Variants in RPSA2 observed in about 807,000 individuals in gnomAD.
RPSA2 encodes the protein ribosomal protein SA 2.
the RPSA2 span, among the ~76,000 whole-genome samples, chr19:23,806,019 CTAT>C: frequency 6.9e-5 from 10 of 144,202 alleles, no homozygotes; most frequent in African/African-American, 2.6e-4. Context: ...ATCTATCTAT[CTAT>C]CTATCTATCT....
At chr19:23,827,101 C>A in the RPSA2 span, 3 of 748,292 alleles carry the variant, frequency 4.0e-6, no homozygotes, top group Non-Finnish European at 4.7e-6. Flanking sequence ...GCGCTACCTG[C>A]AGAGGGGTCC....
At chr19:23,790,944 G>A in the RPSA2 span, among the ~76,000 whole-genome samples, 1 of 152,144 alleles carries the variant, frequency 6.6e-6, no homozygotes, top group Admixed American at 6.6e-5. Flanking sequence ...TGGCAGCTAG[G>A]CTGACAGCCG....
chr19:23,842,015 C>T, the RPSA2 span, among the ~76,000 whole-genome samples: 2 of 152,246 alleles, frequency 1.3e-5, no homozygotes, highest in Non-Finnish European at 1.5e-5. Context: ...TGGGATAAAA[C>T]CCAGGTTCTA....
chr19:23,813,570 C>A, the RPSA2 span, among the ~76,000 whole-genome samples: 1 of 151,796 alleles, frequency 6.6e-6, no homozygotes, highest in East Asian at 1.9e-4. Flanking sequence ...TCCATTGTAT[C>A]AAATATGTCT....
At chr19:23,839,734 G>T in the RPSA2 span, among the ~76,000 whole-genome samples, 2 of 152,102 alleles carry the variant, frequency 1.3e-5, no homozygotes, top group African/African-American at 4.8e-5. Context: ...GATTCCTGTG[G>T]TGCCAGGCAG....
the RPSA2 span, among the ~76,000 whole-genome samples, chr19:23,803,389 G>A: frequency 2.0e-5 from 3 of 151,528 alleles, no homozygotes; most frequent in Non-Finnish European, 4.4e-5. Context: ...GATTTATAGG[G>A]TCTTAATTAA....
At chr19:23,769,644 G>C in the RPSA2 span, among the ~76,000 whole-genome samples, 1 of 152,054 alleles carries the variant, frequency 6.6e-6, no homozygotes, top group African/African-American at 2.4e-5. Flanking sequence ...ATGCCCGGCC[G>C]ATGTGTCTCT....
At chr19:23,809,738 GT>G in the RPSA2 span, among the ~76,000 whole-genome samples, 147,603 of 151,030 alleles carry the variant, frequency 0.98, 72,215 homozygotes, top group Middle Eastern at 1. Flanking sequence ...TACTGTTTAT[GT>G]TTTTTTTTTA....
At chr19:23,835,509 G>A in the RPSA2 span, among the ~76,000 whole-genome samples, 2 of 152,086 alleles carry the variant, frequency 1.3e-5, no homozygotes, top group African/African-American at 2.4e-5. Context: ...TTATTACCGT[G>A]CAATCTTTTG....
chr19:23,824,092 A>G, the RPSA2 span, among the ~76,000 whole-genome samples: 1 of 152,226 alleles, frequency 6.6e-6, no homozygotes, highest in Non-Finnish European at 1.5e-5. Context: ...CTTGTCTTTT[A>G]TATGTGCATG....
the RPSA2 span, among the ~76,000 whole-genome samples, chr19:23,811,723 AAAT>A: frequency 6.6e-6 from 1 of 152,168 alleles, no homozygotes; most frequent in Non-Finnish European, 1.5e-5. Context: ...GCCTATATCT[AAAT>A]AATAACATAG....
chr19:23,840,103 AT>A, the RPSA2 span, among the ~76,000 whole-genome samples: 9 of 147,504 alleles, frequency 6.1e-5, no homozygotes, highest in South Asian at 1.9e-3. Flanking sequence ...GAGAGAAAAA[AT>A]GGTTGATTCT....
the RPSA2 span, among the ~76,000 whole-genome samples, chr19:23,854,821 G>T: frequency 2.0e-5 from 3 of 152,090 alleles, no homozygotes; most frequent in Non-Finnish European, 4.4e-5. Flanking sequence ...TAGCTTTGTG[G>T]GTCTCTGATC....
At chr19:23,768,356 T>G in the RPSA2 span, among the ~76,000 whole-genome samples, 5 of 151,692 alleles carry the variant, frequency 3.3e-5, no homozygotes, top group African/African-American at 9.7e-5. Flanking sequence ...TTGTATATAT[T>G]TCTCAAACCA....
the RPSA2 span, among the ~76,000 whole-genome samples, chr19:23,785,606 T>C: frequency 1.3e-5 from 2 of 152,182 alleles, no homozygotes; most frequent in East Asian, 1.9e-4. Context: ...GGTTGTAACA[T>C]ATTCCTGGCT....
At chr19:23,816,412 A>T in the RPSA2 span, among the ~76,000 whole-genome samples, 1 of 152,152 alleles carries the variant, frequency 6.6e-6, no homozygotes, top group Non-Finnish European at 1.5e-5. Context: ...CTGAGATTAC[A>T]TTTCTTTTTA....
chr19:23,832,749 C>G, the RPSA2 span: 1 of 1,558,634 alleles, frequency 6.4e-7, no homozygotes, highest in Non-Finnish European at 8.7e-7. Context: ...AAGCTTTTAG[C>G]CAGTCATCAA....
At chr19:23,855,126 C>T in the RPSA2 span, among the ~76,000 whole-genome samples, 14 of 152,260 alleles carry the variant, frequency 9.2e-5, no homozygotes, top group African/African-American at 3.1e-4. Flanking sequence ...AACTTTGTTA[C>T]TTGTTCCATG....
the RPSA2 span, among the ~76,000 whole-genome samples, chr19:23,778,826 G>A: frequency 2.0e-5 from 3 of 151,928 alleles, no homozygotes; most frequent in East Asian, 2.0e-4. Context: ...TGCCTGGGCC[G>A]ATCAATTTGG....
Sources: allele counts gnomAD v4.1 joint callset (sites outside exome capture counted in the v4.1 genomes callset), GRCh38; gene constraint gnomAD v4.1.1; transcripts MANE v1.5; gene names NCBI Gene and HGNC (gene_info 2026-07-23, HGNC 2026-07-21).